CNTNAP4: variants seen among roughly 807,000 people sequenced by gnomAD.
The protein encoded by CNTNAP4 is contactin-associated protein-like 4.
In CNTNAP4, 98 loss-of-function variants were observed where a neutral mutation model predicts 148.4. The observed-to-expected ratio is 0.66, with a 90% CI of 0.56 to 0.78. The LOEUF is 0.78. Among genes scored for constraint, CNTNAP4 ranks in the 30% least tolerant of loss-of-function variants. The pLI, the probability that CNTNAP4 is intolerant of heterozygous loss-of-function variation, is 0.00. For missense variants in CNTNAP4, 1,935 were observed against 1,565.6 expected, an observed-to-expected ratio of 1.24 and a Z score of -3.98; for synonymous variants, 730 against 565.1, an observed-to-expected ratio of 1.29 and a Z score of -4.14.
chr16:76,548,803 C>G (rs1208157618), intron 21 of CNTNAP4, among the ~76,000 whole-genome samples: 1 of 152,310 alleles, frequency 6.6e-6, no homozygotes, highest in East Asian at 1.9e-4. Flanking sequence ...ACTCATTACA[C>G]TGTGTTGGCT....
At chr16:76,435,897 G>A (rs1372100406) in intron 4 of CNTNAP4, among the ~76,000 whole-genome samples, 1 of 152,064 alleles carries the variant, frequency 6.6e-6, no homozygotes, top group African/African-American at 2.4e-5. Context: ...CTAATTCTAT[G>A]TTTCTTCCAC....
At chr16:76,328,719 C>T (rs1963239896) in intron 2 of CNTNAP4, among the ~76,000 whole-genome samples, 1 of 151,982 alleles carries the variant, frequency 6.6e-6, no homozygotes, top group Admixed American at 6.5e-5. Context: ...AATCTTGGCT[C>T]ACTGCAACCT....
At chr16:76,553,033 C>G (rs977408725) in intron 21 of CNTNAP4, among the ~76,000 whole-genome samples, 2 of 152,124 alleles carry the variant, frequency 1.3e-5, no homozygotes, top group Admixed American at 1.3e-4. Context: ...CATTCTTATG[C>G]TTTGTTTCTA....
intron 15 of CNTNAP4, among the ~76,000 whole-genome samples, chr16:76,502,053 A>G (rs1206010337): frequency 6.7e-6 from 1 of 150,340 alleles, no homozygotes; most frequent in Non-Finnish European, 1.5e-5. Flanking sequence ...TGGGCGACAG[A>G]GCGAGACTCC....
intron 1 of CNTNAP4, among the ~76,000 whole-genome samples, chr16:76,303,372 A>T (rs1567632959): frequency 1.3e-5 from 2 of 152,200 alleles, no homozygotes; most frequent in African/African-American, 4.8e-5. Context: ...ATAATTTAGT[A>T]ATAAAATGGA....
At position 76,560,616 on chromosome 16, in the gene CNTNAP4, C is replaced by G. The variant is rs2085377602; in HGVS notation, c.*1933C>G. ...CTCTAGGGAGGTTTATTGGTGAAGC[C>G]TCACAGTCCTCTGTGGTCTGCACTG... is the stretch of plus-strand genomic sequence containing the variant. On this transcript the variant is annotated 3_prime_UTR_variant, in exon 24 of 24. Transcript: ENST00000611870. 6.6e-6 allele frequency among the ~76,000 whole-genome samples: 1 copy of G among 152,142 alleles called. No individual in the cohort carries two copies. Among genetic ancestry groups the G allele is most frequent in the Admixed American group, 6.6e-5 (1 of 15,262 alleles).
At chr16:76,525,794 A>C (rs1381261615) in intron 17 of CNTNAP4, among the ~76,000 whole-genome samples, 1 of 147,466 alleles carries the variant, frequency 6.8e-6, no homozygotes, top group African/African-American at 2.5e-5. Context: ...TAAACTAGTT[A>C]AACTAGTTTA....
intron 15 of CNTNAP4, among the ~76,000 whole-genome samples, chr16:76,515,059 G>T (rs1015363998): frequency 6.6e-6 from 1 of 152,042 alleles, no homozygotes; most frequent in African/African-American, 2.4e-5. Flanking sequence ...GACATCGAAA[G>T]CACAATCCGT....
chr16:76,516,673 G>T lies in CNTNAP4; in HGVS notation c.2366-4467G>T, dbSNP rs566715729. On this transcript the variant is annotated intron_variant, in intron 15 of 23. Transcript: ENST00000611870. ...GTAGGTGTCCTTCTGCAGGTAGATG[G>T]TTAAATAAATTTTAATATATCCATA... Among the ~76,000 whole-genome samples the T allele has an allele frequency of 6.6e-5, 10 of 152,338 alleles. No individual in the cohort carries two copies. In the South Asian group the frequency reaches 1.7e-3, roughly 25 times the overall value.
At chr16:76,448,338 A>G in intron 5 of CNTNAP4, 123 bp downstream of exon 5, 1 of 665,586 alleles carries the variant, frequency 1.5e-6, no homozygotes, top group Admixed American at 3.0e-5. Flanking sequence ...AAGGGCTTGT[A>G]CATATGTCAA....
chr16:76,439,228 G>T (rs1284841582), intron 4 of CNTNAP4, among the ~76,000 whole-genome samples: 1 of 152,030 alleles, frequency 6.6e-6, no homozygotes, highest in Non-Finnish European at 1.5e-5. Flanking sequence ...GATTATCCAT[G>T]ATGTAAATTG....
intron 8 of CNTNAP4, among the ~76,000 whole-genome samples, chr16:76,453,822 T>G (rs908009274): frequency 1.3e-5 from 2 of 152,200 alleles, no homozygotes; most frequent in Admixed American, 1.3e-4. Flanking sequence ...CGATATTAGT[T>G]ATAATTTTTA....
At chr16:76,430,325 A>G (rs1308075204) in intron 4 of CNTNAP4, among the ~76,000 whole-genome samples, 1 of 152,188 alleles carries the variant, frequency 6.6e-6, no homozygotes, top group African/African-American at 2.4e-5. Context: ...TCTACTGAAT[A>G]AGACATACAG....
chr16:76,438,884 CAT>C (rs1568172130), intron 4 of CNTNAP4, among the ~76,000 whole-genome samples: 2 of 152,200 alleles, frequency 1.3e-5, no homozygotes, highest in African/African-American at 4.8e-5. Context: ...CCTGTCCTTT[CAT>C]TCCATGCTTT....
rs182754220 is a variant in CNTNAP4, at chr16:76,521,875, C to G, written c.2537-164C>G. ...TCATTTCACATCAGAAGACCTAGCT[C>G]TGTGTCAGTGTCATGAGTTTCAAAC... On this transcript the variant is annotated intron_variant, in intron 16 of 23. Coordinates refer to ENST00000611870, the MANE Select transcript of CNTNAP4 (RefSeq NM_033401.5). 2.5e-3 allele frequency among the ~76,000 whole-genome samples: 379 copies of G among 152,238 alleles called. 1 individual carries two copies. Among genetic ancestry groups the G allele is most frequent in the African/African-American group, 8.7e-3 (360 of 41,540 alleles).
intron 4 of CNTNAP4, among the ~76,000 whole-genome samples, chr16:76,437,215 A>G (rs1489201039): frequency 6.6e-6 from 1 of 152,014 alleles, no homozygotes; most frequent in Non-Finnish European, 1.5e-5. Context: ...ATTTGCTGGC[A>G]GCTGATTAGT....
In CNTNAP4 at chr16:76,522,174, A is replaced by G. The variant is rs752910797; in HGVS notation, c.2672A>G (p.Gln891Arg). The G allele has an allele frequency of 6.2e-6, 10 of 1,613,880 alleles. No homozygotes were observed. The highest frequency in any genetic ancestry group is 8.5e-6 in the Non-Finnish European group (10 of 1,179,890). ...AGGAACATGAAGGAGGCCTCCCTTC[A>G]AGTGGATCAGCTGACACCAAAGACA... ...VERNMKEASL[Q>R]VDQLTPKTQP... Residue 891 changes from glutamine (Q) to arginine (R), a missense_variant, in exon 17 of 24, where the codon CAA becomes CGA. Gln to Arg is a conservative substitution (Grantham distance 43, BLOSUM62 1). Coordinates refer to ENST00000611870, the MANE Select transcript of CNTNAP4 (RefSeq NM_033401.5).
chr16:76,331,137 G>A (rs1405558309), intron 2 of CNTNAP4, among the ~76,000 whole-genome samples: 1 of 142,746 alleles, frequency 7.0e-6, no homozygotes, highest in African/African-American at 2.5e-5. Flanking sequence ...TTTTTTTTTT[G>A]TGGTCTACCA....
At chr16:76,358,550 G>T (rs1314816803) in intron 3 of CNTNAP4, among the ~76,000 whole-genome samples, 1 of 152,134 alleles carries the variant, frequency 6.6e-6, no homozygotes, top group African/African-American at 2.4e-5. Flanking sequence ...ATTATGGAAG[G>T]ATTAAGGAGG....
Sources: gnomAD v4.1 joint callset for allele counts (sites outside exome capture counted in the v4.1 genomes callset) on GRCh38, gnomAD v4.1.1 for gene constraint, MANE v1.5 for transcripts, NCBI Gene and HGNC (gene_info 2026-07-23, HGNC 2026-07-21) for gene names.